ENOX1: variants seen among roughly 807,000 people sequenced by gnomAD.
ENOX1 encodes the protein candidate growth-related and time keeping constitutive hydroquinone (NADH) oxidase.
Under a neutral mutation model 82.5 loss-of-function variants are expected in ENOX1, and 42 were observed. The ratio of observed to expected loss-of-function variants is 0.51; its 90% CI spans 0.40 to 0.66. ENOX1 has a LOEUF of 0.66. Ranked by LOEUF, ENOX1 falls within the 30% of genes least tolerant of loss-of-function variation. The pLI, the probability that ENOX1 is intolerant of heterozygous loss-of-function variation, is 0.00. For synonymous variants in ENOX1, 271 were observed against 282.2 expected, an observed-to-expected ratio of 0.96 and a Z score of 0.40; for missense variants, 608 against 811.6, an observed-to-expected ratio of 0.75 and a Z score of 3.05.
At chr13:43,262,957 G>A (rs188346198) in intron 14 of ENOX1, among the ~76,000 whole-genome samples, 10 of 152,194 alleles carry the variant, frequency 6.6e-5, no homozygotes, top group Admixed American at 3.9e-4. Context: ...CCTCTCAGTC[G>A]GGTCTGAAGG....
At chr13:43,624,736 G>A (rs1566660195) in intron 2 of ENOX1, among the ~76,000 whole-genome samples, 1 of 152,054 alleles carries the variant, frequency 6.6e-6, no homozygotes, top group Non-Finnish European at 1.5e-5. Context: ...CTTTACCTGT[G>A]TTCTCTATTT....
chr13:43,298,612 C>T, intron 11 of ENOX1, 82 bp from the exon 12 acceptor site: 1 of 1,313,526 alleles, frequency 7.6e-7, no homozygotes, highest in Non-Finnish European at 1.0e-6. Flanking sequence ...GGGAGTCTGT[C>T]ACCCAAGTTC....
intron 1 of ENOX1, among the ~76,000 whole-genome samples, chr13:43,689,901 T>G (rs543990491): frequency 1.1e-4 from 17 of 152,334 alleles, no homozygotes; most frequent in African/African-American, 4.1e-4. Flanking sequence ...TGCATGTCTG[T>G]TCTTGGCTCT....
chr13:43,440,277 G>A (rs2056289402), intron 3 of ENOX1, among the ~76,000 whole-genome samples: 1 of 152,094 alleles, frequency 6.6e-6, no homozygotes, highest in Admixed American at 6.5e-5. Context: ...CTAAATGAAT[G>A]AAAAGATGAA....
Position 43,651,068 on chromosome 13 carries a change from G to A in ENOX1, c.-219+16411C>T, listed in dbSNP as rs183000915. On this transcript the variant is annotated intron_variant, in intron 2 of 16. Transcript: ENST00000690772. ...TATGTAAATCTAGCATGTGGCTTCC[G>A]TGTTTCTATGACAGTTAGAAGGCTG... is the stretch of plus-strand genomic sequence containing the variant. Among the ~76,000 whole-genome samples, 366 of 152,230 alleles carry A rather than the reference G, an allele frequency of 2.4e-3. 1 individual carries two copies. Among genetic ancestry groups the A allele is most frequent in the Non-Finnish European group, 3.9e-3 (262 of 68,018 alleles).
At chr13:43,393,774 C>T (rs933962196) in intron 5 of ENOX1, among the ~76,000 whole-genome samples, 1 of 152,284 alleles carries the variant, frequency 6.6e-6, no homozygotes, top group Non-Finnish European at 1.5e-5. Flanking sequence ...ATCTCAGTTG[C>T]CTTACTGATA....
In ENOX1 at chr13:43,412,566, A is replaced by C. The variant is rs1292538296; in HGVS notation, c.70+279T>G. Among the ~76,000 whole-genome samples, 3 of 152,246 alleles carry C rather than the reference A, an allele frequency of 2.0e-5. No homozygotes were observed. In the East Asian group the frequency reaches 5.8e-4, roughly 29 times the overall value. On this transcript the variant is annotated intron_variant, in intron 4 of 16. Coordinates refer to ENST00000690772, the MANE Select transcript of ENOX1 (RefSeq NM_001347969.2). ...AAACTTTTACATTATTACACTAAGA[A>C]AATACAGGTGTCTACCTAACGTGAC...
intron 5 of ENOX1, among the ~76,000 whole-genome samples, chr13:43,375,812 A>G (rs1055315734): frequency 6.6e-6 from 1 of 152,214 alleles, no homozygotes; most frequent in African/African-American, 2.4e-5. Flanking sequence ...CATTTATCAA[A>G]AGACATTTTG....
At chr13:43,536,716 T>A (rs2153691496) in intron 2 of ENOX1, among the ~76,000 whole-genome samples, 1 of 152,342 alleles carries the variant, frequency 6.6e-6, no homozygotes, top group South Asian at 2.1e-4. Context: ...ATCATTTTGG[T>A]CACTCACAAC....
chr13:43,661,505 T>C (rs1340781110), intron 2 of ENOX1, among the ~76,000 whole-genome samples: 2 of 152,176 alleles, frequency 1.3e-5, no homozygotes, highest in Non-Finnish European at 2.9e-5. Flanking sequence ...CAAAGAGACA[T>C]TGATGTTTTC....
chr13:43,520,660 G>T (rs2077730474), intron 2 of ENOX1, among the ~76,000 whole-genome samples: 1 of 152,072 alleles, frequency 6.6e-6, no homozygotes, highest in South Asian at 2.1e-4. Context: ...TTGCCGGGGG[G>T]CGGCCACTGG....
rs559967231 is a variant in ENOX1 at position 43,237,593 on chromosome 13, G to A, written c.1612-855C>T. On this transcript the variant is annotated intron_variant, in intron 14 of 16. Transcript: ENST00000690772. Reference sequence around the variant, plus strand: ...TGAGCAGTGGTGGGGAACCTGCAGGGATGATAGAGAACAGGTACGGAGAGC... The same window carrying A: ...TGAGCAGTGGTGGGGAACCTGCAGGAATGATAGAGAACAGGTACGGAGAGC... Among the ~76,000 whole-genome samples, 73 of 152,326 alleles carry A rather than the reference G, an allele frequency of 4.8e-4. No individual in the cohort carries two copies. The Middle Eastern group carries it at 0.014, about 28-fold the overall frequency.
chr13:43,720,720 C>T (rs299330), intron 1 of ENOX1, among the ~76,000 whole-genome samples: 48,621 of 152,092 alleles, frequency 0.32, 8,227 homozygotes, highest in East Asian at 0.49. Flanking sequence ...ACATGTGTGT[C>T]CCCATTCCTT....
intron 1 of ENOX1, among the ~76,000 whole-genome samples, chr13:43,782,508 C>T (rs1037225475): frequency 6.6e-6 from 1 of 152,142 alleles, no homozygotes; most frequent in Non-Finnish European, 1.5e-5. Context: ...CTAGGTTTAA[C>T]ATGCTGTAAA....
At chr13:43,219,051 G>A (rs1275330389) in intron 16 of ENOX1, among the ~76,000 whole-genome samples, 4 of 152,108 alleles carry the variant, frequency 2.6e-5, no homozygotes, top group Admixed American at 2.6e-4. Context: ...GCTGAGCTCT[G>A]AGTGAAGTTT....
intron 14 of ENOX1, among the ~76,000 whole-genome samples, chr13:43,247,702 T>C (rs1396505701): frequency 6.7e-6 from 1 of 149,070 alleles, no homozygotes; most frequent in African/African-American, 2.5e-5. Flanking sequence ...CCCACAGAAG[T>C]AGCAACAGTG....
At chr13:43,652,563 T>C (rs1276230922) in intron 2 of ENOX1, among the ~76,000 whole-genome samples, 13 of 152,078 alleles carry the variant, frequency 8.5e-5, no homozygotes, top group Non-Finnish European at 4.4e-5. Flanking sequence ...ATAGGGTTAG[T>C]AAGGTGGAGG....
intron 5 of ENOX1, among the ~76,000 whole-genome samples, chr13:43,398,510 G>A (rs546181204): frequency 2.0e-4 from 31 of 152,226 alleles, no homozygotes; most frequent in African/African-American, 7.2e-4. Context: ...ATGACCTGCA[G>A]CAAATACTCT....
intron 14 of ENOX1, among the ~76,000 whole-genome samples, chr13:43,253,614 TA>T: frequency 6.6e-6 from 1 of 152,192 alleles, no homozygotes; most frequent in Non-Finnish European, 1.5e-5. Flanking sequence ...CGAAAATCAC[TA>T]TGGAATATTT....
Sources: gnomAD v4.1 joint callset for allele counts (sites outside exome capture counted in the v4.1 genomes callset) on GRCh38, gnomAD v4.1.1 for gene constraint, MANE v1.5 for transcripts, NCBI Gene and HGNC (gene_info 2026-07-23, HGNC 2026-07-21) for gene names.